The following SCG5 variants were observed in gnomAD, a reference collection of about 807,000 sequenced individuals.
SCG5 encodes the protein secretogranin V.
SCG5 carries 18 observed loss-of-function variants against 25.7 expected under a neutral mutation model. The ratio of observed to expected loss-of-function variants is 0.70; its 90% CI spans 0.48 to 1.04. SCG5 has a LOEUF of 1.04. Among genes scored for constraint, SCG5 ranks in the 50% least tolerant of loss-of-function variants. SCG5 has a pLI of 0.00. For missense variants in SCG5, 206 were observed against 259.8 expected (o/e 0.79, Z 1.42); for synonymous variants, 101 against 91.7 (o/e 1.10, Z -0.58).
At chr15:32,649,727 A>T (rs2054003171) in intron 2 of SCG5, among the ~76,000 whole-genome samples, 1 of 152,110 alleles carries the variant, frequency 6.6e-6, no homozygotes, top group Non-Finnish European at 1.5e-5. Flanking sequence ...AAATGTGTAA[A>T]TTCTTAGTCC....
At chr15:32,653,425 A>T (rs748661281) in intron 2 of SCG5, among the ~76,000 whole-genome samples, 3 of 152,238 alleles carry the variant, frequency 2.0e-5, no homozygotes, top group Non-Finnish European at 2.9e-5. Context: ...ATTCACTTCT[A>T]TATGGGTTGG....
chr15:32,657,213 G>GTATATATATATATATATA (rs2054136011), intron 2 of SCG5, among the ~76,000 whole-genome samples: 1 of 16,270 alleles, frequency 6.1e-5, no homozygotes, highest in Non-Finnish European at 1.4e-4. Context: ...ATATATATAT[G>GTATATATATATATATATA]TATGTATTTC....
chr15:32,693,277 G>C (rs12592208), intron 5 of SCG5, among the ~76,000 whole-genome samples: 40,160 of 152,094 alleles, frequency 0.26, 5,949 homozygotes, highest in South Asian at 0.34. Context: ...TCATTTTTCC[G>C]TGAGACTAGT....
chr15:32,667,821 C>T (rs1365499898), intron 2 of SCG5, among the ~76,000 whole-genome samples: 9 of 152,044 alleles, frequency 5.9e-5, no homozygotes, highest in Admixed American at 5.9e-4. Context: ...TACAGGCACA[C>T]ACCAGCATGC....
intron 5 of SCG5, among the ~76,000 whole-genome samples, chr15:32,694,218 C>T (rs2054915165): frequency 6.6e-6 from 1 of 152,194 alleles, no homozygotes; most frequent in Admixed American, 6.5e-5. Flanking sequence ...CACCTGATTC[C>T]TCTTTTTACC....
At position 32,671,295 on chromosome 15, in the gene SCG5, G is replaced by A. The variant is rs2054419306; in HGVS notation, c.227-8471G>A. Among the ~76,000 whole-genome samples the A allele has an allele frequency of 2.0e-5, 3 of 152,314 alleles. No homozygotes were observed. The South Asian group carries it at 6.2e-4, about 32-fold the overall frequency. On this transcript the variant is annotated intron_variant, in intron 2 of 5. Transcript: ENST00000300175. Reference sequence around the variant, plus strand: ...TTGGGACCCTCATTTCTCACCAGGAGTCAAGGCCAAAAGGTCTTATAAATA... The same window carrying A: ...TTGGGACCCTCATTTCTCACCAGGAATCAAGGCCAAAAGGTCTTATAAATA...
At chr15:32,689,591 C>A (rs977429148) in intron 4 of SCG5, among the ~76,000 whole-genome samples, 2 of 152,132 alleles carry the variant, frequency 1.3e-5, no homozygotes, top group African/African-American at 4.8e-5. Flanking sequence ...CTCACCACTC[C>A]CCAAGGAATC....
intron 2 of SCG5, chr15:32,665,956 A>G (rs916878605): frequency 2.8e-4 from 42 of 152,350 alleles, no homozygotes; most frequent in African/African-American, 8.9e-4. Context: ...GAGCAGAAGG[A>G]TATTTAGGAT....
intron 2 of SCG5, among the ~76,000 whole-genome samples, chr15:32,676,970 A>G (rs940027750): frequency 6.6e-6 from 1 of 152,226 alleles, no homozygotes; most frequent in Non-Finnish European, 1.5e-5. Flanking sequence ...TAGAGATAAA[A>G]TATGAATATG....
intron 5 of SCG5, among the ~76,000 whole-genome samples, chr15:32,695,011 CT>C (rs10718630): frequency 0.91 from 112,674 of 123,704 alleles, 50,900 homozygotes; most frequent in Admixed American, 0.94. Flanking sequence ...TTCTTTCTTT[CT>C]TTTTTTTTTT....
At chr15:32,670,134 G>A (rs2054394803) in intron 2 of SCG5, among the ~76,000 whole-genome samples, 1 of 152,192 alleles carries the variant, frequency 6.6e-6, no homozygotes, top group Non-Finnish European at 1.5e-5. Context: ...CCTAGTATGA[G>A]GGGGAAAAGC....
At chr15:32,665,896 CAA>C (rs1487298807) in intron 2 of SCG5, 6 of 152,128 alleles carry the variant, frequency 3.9e-5, no homozygotes, top group Non-Finnish European at 7.3e-5. Flanking sequence ...CTGGTAATTT[CAA>C]AACTCTGAAC....
chr15:32,666,169 C>G (rs1595802046), intron 2 of SCG5, among the ~76,000 whole-genome samples: 1 of 152,278 alleles, frequency 6.6e-6, no homozygotes, highest in East Asian at 1.9e-4. Context: ...GGCTACAGCT[C>G]TAAAATACTG....
chr15:32,680,042 T>C (rs2054589996), intron 3 of SCG5, 127 bp downstream of exon 3: 1 of 861,876 alleles, frequency 1.2e-6, no homozygotes, highest in Non-Finnish European at 1.8e-6. Flanking sequence ...TGTGTATTTG[T>C]AAGTAGATGG....
At chr15:32,646,107 AC>A (rs148386930) in intron 2 of SCG5, among the ~76,000 whole-genome samples, 19,791 of 152,056 alleles carry the variant, frequency 0.13, 1,457 homozygotes, top group Middle Eastern at 0.18. Context: ...GAGCCACCAC[AC>A]CCGGCCTAAC....
intron 2 of SCG5, among the ~76,000 whole-genome samples, chr15:32,644,946 A>G (rs1473649868): frequency 1.3e-5 from 2 of 152,216 alleles, no homozygotes; most frequent in East Asian, 3.8e-4. Context: ...TGTTACCCAT[A>G]GTTTTAAGCC....
intron 2 of SCG5, among the ~76,000 whole-genome samples, chr15:32,648,708 C>G (rs2053985895): frequency 6.6e-6 from 1 of 151,634 alleles, no homozygotes; most frequent in Admixed American, 6.6e-5. Context: ...GTCACCCACT[C>G]AGAGAGGGCT....
chr15:32,655,952 A>G, intron 2 of SCG5: 1 of 152,178 alleles, frequency 6.6e-6, no homozygotes, highest in East Asian at 1.9e-4. Context: ...TAAATACTAG[A>G]GATTTTTTAG....
intron 2 of SCG5, among the ~76,000 whole-genome samples, chr15:32,668,530 A>G (rs2054360185): frequency 6.6e-6 from 1 of 152,206 alleles, no homozygotes; most frequent in Non-Finnish European, 1.5e-5. Flanking sequence ...CCAGTGCGGA[A>G]CCAGGTCAGC....
Sources: gnomAD v4.1 joint callset for allele counts (sites outside exome capture counted in the v4.1 genomes callset) on GRCh38, gnomAD v4.1.1 for gene constraint, MANE v1.5 for transcripts, NCBI Gene and HGNC (gene_info 2026-07-23, HGNC 2026-07-21) for gene names.